GRAMD1A: variants seen among roughly 807,000 people sequenced by gnomAD.
GRAMD1A encodes the protein protein Aster-A.
GRAMD1A carries 50 observed loss-of-function variants against 92.0 expected under a neutral mutation model. The ratio of observed to expected loss-of-function variants is 0.54; its 90% CI spans 0.43 to 0.69. The LOEUF (loss-of-function observed/expected upper bound fraction) is 0.69. Ranked by LOEUF, GRAMD1A falls within the 30% of genes least tolerant of loss-of-function variation. The probability of loss-of-function intolerance (pLI) is 0.00; values close to 1 mark genes in which losing one functional copy is unlikely to be tolerated. For missense variants in GRAMD1A, 819 were observed against 978.9 expected (o/e 0.84, Z 2.18); for synonymous variants, 405 against 403.6 (o/e 1.00, Z -0.04).
rs763212765 is a variant in GRAMD1A at position 35,009,939 on chromosome 19, A to C, written c.292A>C (p.Ser98Arg). The C allele has an allele frequency of 6.2e-7, 1 of 1,612,626 alleles. No individual in the cohort carries two copies. The highest frequency in any genetic ancestry group is 1.7e-5 in the Admixed American group (1 of 60,014). The change falls in exon 4 of 20, where the codon AGC becomes CGC. Residue 98 changes from serine (S) to arginine (R), a missense_variant. Physicochemically the swap from Ser to Arg is moderately radical, Grantham distance 110 (BLOSUM62 -1). Transcript: ENST00000317991. ...TAATGAGGACTTCCGGAAACTGTTCAGCAAACTCCCCGAAGCAGAACGCCT... is the reference window on the plus strand; with the variant it reads ...TAATGAGGACTTCCGGAAACTGTTCCGCAAACTCCCCGAAGCAGAACGCCT... The part of the protein sequence containing the change: ...QRNEDFRKLF[S>R]KLPEAERLIV...
At chr19:35,019,583 C>G (rs948812403) in intron 13 of GRAMD1A, 50 bp downstream of exon 13, 1 of 1,538,474 alleles carries the variant, frequency 6.5e-7, no homozygotes, top group Non-Finnish European at 9.0e-7. Context: ...GCCCCAGGGC[C>G]TCCTGTCCAC....
intron 11 of GRAMD1A, among the ~76,000 whole-genome samples, chr19:35,016,368 G>A (rs973211689): frequency 2.0e-5 from 3 of 148,492 alleles, no homozygotes; most frequent in African/African-American, 7.5e-5. Context: ...AGGCCGAGGT[G>A]GGCAGATCAC....
intron 1 of GRAMD1A, among the ~76,000 whole-genome samples, chr19:35,003,851 C>T (rs2014600491): frequency 6.6e-6 from 1 of 152,242 alleles, no homozygotes; most frequent in African/African-American, 2.4e-5. Flanking sequence ...CACCTGGAGT[C>T]TTCTCCCAGC....
chr19:35,006,985 G>A (rs1291439224), intron 1 of GRAMD1A, among the ~76,000 whole-genome samples: 1 of 152,246 alleles, frequency 6.6e-6, no homozygotes, highest in African/African-American at 2.4e-5. Context: ...GTGGGAATGA[G>A]ATTGGAGAGC....
chr19:34,995,284 G>A (rs2013980497), intron 1 of GRAMD1A, among the ~76,000 whole-genome samples: 1 of 152,214 alleles, frequency 6.6e-6, no homozygotes, highest in African/African-American at 2.4e-5. Flanking sequence ...AACACCCAGG[G>A]CTTTCCGAAA....
upstream of GRAMD1A, chr19:35,000,004 G>C (rs960544721): frequency 1.0e-6 from 1 of 984,712 alleles, no homozygotes; most frequent in African/African-American, 1.7e-5. This position sits in a 1 kb window ranked among gnomAD's most constrained non-coding sequence, Gnocchi z 4.9. Flanking sequence ...GGGAGGTCCA[G>C]GAGCTTCTGG....
In GRAMD1A at chr19:35,023,274, A is replaced by G; in HGVS notation, c.1892A>G (p.Tyr631Cys). 2.5e-6 allele frequency: 4 copies of G among 1,613,820 alleles called. No homozygotes were observed. Among genetic ancestry groups the G allele is most frequent in the Non-Finnish European group, 3.4e-6 (4 of 1,179,910 alleles). The change falls in exon 18 of 20, where the codon TAC (tyrosine) becomes TGC (cysteine). Residue 631 changes from tyrosine (Y) to cysteine (C), a missense_variant. Tyr to Cys is a radical substitution (Grantham distance 194). Transcript: ENST00000317991. ...ILIALNVLLF[Y>C]RLWSLERTAH... The stretch of plus-strand genomic sequence containing the variant: ...ATCGCCCTCAACGTCCTGCTCTTCT[A>G]CCGCCTCTGGTCCCTGGAAAGGACA...
intron 1 of GRAMD1A, among the ~76,000 whole-genome samples, chr19:35,004,348 C>G (rs1450424529): frequency 1.3e-5 from 2 of 152,120 alleles, no homozygotes; most frequent in Non-Finnish European, 2.9e-5. Flanking sequence ...CTGTGGTCCT[C>G]AAACTTGAAT....
upstream of GRAMD1A, chr19:35,000,017 AG>A: frequency 5.1e-6 from 5 of 984,624 alleles, no homozygotes; most frequent in Non-Finnish European, 3.6e-6. This position sits in a 1 kb window ranked among gnomAD's most constrained non-coding sequence, Gnocchi z 4.9. Context: ...GCTTCTGGCC[AG>A]GGGCATAGTA....
chr19:35,010,099 C>G lies in GRAMD1A; in HGVS notation c.333C>G (p.Ser111=), dbSNP rs373843325. ...TCTCCCCGCCCCTCTCAGATTACTC[C>G]TGCGCCCTGCAGCGTGAGATCCTGC... ...PEAERLIVDY[S]CALQREILLQ... Residue 111 remains serine, a synonymous_variant, in exon 5 of 20, where the codon TCC becomes TCG. Coordinates refer to ENST00000317991, the MANE Select transcript of GRAMD1A (RefSeq NM_020895.5). 3 of 1,608,294 alleles carry G rather than the reference C, an allele frequency of 1.9e-6. No homozygotes were observed. The African/African-American group carries it at 4.0e-5, about 21-fold the overall frequency.
At chr19:35,005,193 T>G (rs1306082616) in intron 1 of GRAMD1A, among the ~76,000 whole-genome samples, 1 of 131,020 alleles carries the variant, frequency 7.6e-6, no homozygotes, top group Non-Finnish European at 1.6e-5. Flanking sequence ...ACACTCAACA[T>G]CGTGGGTGGG....
upstream of GRAMD1A, chr19:34,996,059 C>T: frequency 6.5e-7 from 1 of 1,535,896 alleles, no homozygotes; most frequent in Non-Finnish European, 8.7e-7. Flanking sequence ...TTGGGAGACC[C>T]TGTTGGCACA....
Position 35,021,883 on chromosome 19 carries a change from G to T in GRAMD1A, c.1753+19G>T, listed in dbSNP as rs368631848. Reference sequence around the variant, plus strand: ...ACCTCGGGTACGTTCCGTTGGGGCCGGGTTGGGGTAGGCGGAGGATCGGGG... The same window carrying T: ...ACCTCGGGTACGTTCCGTTGGGGCCTGGTTGGGGTAGGCGGAGGATCGGGG... On this transcript the variant is annotated intron_variant, in intron 15 of 19. Coordinates refer to ENST00000317991, the MANE Select transcript of GRAMD1A (RefSeq NM_020895.5). This position sits in a 1 kb window ranked among gnomAD's most constrained non-coding sequence, Gnocchi z 5.3. The T allele has an allele frequency of 2.7e-5, 44 of 1,606,014 alleles. No individual in the cohort carries two copies. The highest frequency in any genetic ancestry group is 3.7e-5 in the Non-Finnish European group (44 of 1,175,026).
chr19:35,003,192 G>C (rs1035206278), intron 1 of GRAMD1A, among the ~76,000 whole-genome samples: 5 of 151,420 alleles, frequency 3.3e-5, no homozygotes, highest in African/African-American at 1.2e-4. Flanking sequence ...ATGAGAGAGA[G>C]AGAGAGGAAA....
In GRAMD1A at chr19:35,000,530, G is replaced by A. The variant is rs1324630956; in HGVS notation, c.8+44G>A. 5 of 1,245,052 alleles carry A rather than the reference G, an allele frequency of 4.0e-6. No individual in the cohort carries two copies. In the African/African-American group the frequency reaches 4.7e-5, roughly 12 times the overall value. The allele number at this position is 1,245,052 out of a possible 1,614,324, so 77.1% of individuals were successfully genotyped here. On this transcript the variant is annotated intron_variant, in intron 1 of 19. Coordinates refer to ENST00000317991, the MANE Select transcript of GRAMD1A (RefSeq NM_020895.5). The surrounding 1 kb of genome is among the most constrained non-coding windows in gnomAD (Gnocchi z 4.9). ...GAGCTCAGGGACCGGGCGCGCGGGGGAGGCCACCGGAGGGAGGGGGCGCCG... is the reference window on the plus strand; with the variant it reads ...GAGCTCAGGGACCGGGCGCGCGGGGAAGGCCACCGGAGGGAGGGGGCGCCG...
chr19:35,011,629 C>T (rs946463325), intron 7 of GRAMD1A, 75 bp downstream of exon 7: 12 of 1,087,594 alleles, frequency 1.1e-5, no homozygotes, highest in African/African-American at 1.6e-5. Context: ...CCAGAACTTG[C>T]GGAGCTGGAG....
At position 35,009,870 on chromosome 19, in the gene GRAMD1A, C is replaced by T; in HGVS notation, c.241-18C>T. On this transcript the variant is annotated intron_variant, in intron 3 of 19. Coordinates refer to ENST00000317991, the MANE Select transcript of GRAMD1A (RefSeq NM_020895.5). ...GTGTGAACCCCCATCCAGGTTCTCA[C>T]CTCTCAAACTTCCTCAGATGCTGAG... 1 of 1,526,016 alleles carries T rather than the reference C, an allele frequency of 6.6e-7. No individual in the cohort carries two copies. The highest frequency in any genetic ancestry group is 9.1e-7 in the Non-Finnish European group (1 of 1,099,654). 94.5% of individuals were successfully genotyped at this position (1,526,016 alleles called of 1,614,324 possible).
chr19:35,010,968 C>G lies in GRAMD1A; in HGVS notation c.526-506C>G, dbSNP rs138741772. On this transcript the variant is annotated intron_variant, in intron 6 of 19. Transcript: ENST00000317991. ...AAAAAATTAACCAGGTGTGGTGGCA[C>G]GCACCTGTAGTCCCAGCTACTCACT... Among the ~76,000 whole-genome samples, 880 of 151,922 alleles carry G rather than the reference C, an allele frequency of 5.8e-3. 8 individuals are homozygous for G. Among genetic ancestry groups the G allele is most frequent in the African/African-American group, 0.02 (823 of 41,408 alleles).
Position 35,009,158 on chromosome 19 carries a change from C to T in GRAMD1A, c.48C>T (p.Ser16=). 1 of 1,614,034 alleles carries T rather than the reference C, an allele frequency of 6.2e-7. No homozygotes were observed. ...PHSGRSTPSS[S]PSLRKRLQLL... ...CTGGCCGGAGCACGCCAAGCAGCTC[C>T]CCATCGCTCCGGAAACGGCTGCAGC... The change falls in exon 2 of 20, where the codon TCC becomes TCT. Residue 16 remains serine, a synonymous_variant. Coordinates refer to ENST00000317991, the MANE Select transcript of GRAMD1A (RefSeq NM_020895.5).
Sources: gnomAD v4.1 joint callset for allele counts (sites outside exome capture counted in the v4.1 genomes callset) on GRCh38, gnomAD v4.1.1 for gene constraint, Gnocchi (gnomAD v3.1) non-coding constraint, MANE v1.5 for transcripts, NCBI Gene and HGNC (gene_info 2026-07-23, HGNC 2026-07-21) for gene names.